The following TNRC6C variants were observed in gnomAD, a reference collection of about 807,000 sequenced individuals.
The protein encoded by TNRC6C is trinucleotide repeat containing adaptor 6C.
TNRC6C carries 20 observed loss-of-function variants against 153.7 expected under a neutral mutation model. The observed-to-expected ratio is 0.13, with a 90% CI of 0.09 to 0.19. The LOEUF (loss-of-function observed/expected upper bound fraction) is 0.19. Ranked by LOEUF, TNRC6C falls within the 10% of genes least tolerant of loss-of-function variation. TNRC6C has a pLI of 1.00. For synonymous variants in TNRC6C, 811 were observed against 841.4 expected (o/e 0.96, Z 0.63); for missense variants, 1,987 against 2,172.0 (o/e 0.91, Z 1.69).
At chr17:78,029,808 GACAC>G (rs57924935) in intron 1 of TNRC6C, among the ~76,000 whole-genome samples, 7,923 of 146,220 alleles carry the variant, frequency 0.054, 484 homozygotes, top group African/African-American at 0.16. Context: ...TAAAAACCTA[GACAC>G]ACACACACAC....
intron 10 of TNRC6C, 140 bp from the exon 13 acceptor site, chr17:78,082,907 T>G: frequency 1.0e-6 from 1 of 990,858 alleles, no homozygotes; most frequent in Non-Finnish European, 1.5e-6. Flanking sequence ...GAGCATTTCA[T>G]CTTTTATTCC....
intron 10 of TNRC6C, among the ~76,000 whole-genome samples, chr17:78,080,064 A>G (rs2073152141): frequency 6.6e-6 from 1 of 152,246 alleles, no homozygotes; most frequent in African/African-American, 2.4e-5. Context: ...GTTATGTTTA[A>G]TATTCAGAAT....
intron 3 of TNRC6C, among the ~76,000 whole-genome samples, chr17:78,059,010 C>G (rs753882334): frequency 3.3e-5 from 5 of 152,316 alleles, no homozygotes; most frequent in Non-Finnish European, 7.3e-5. Context: ...TAGGAAGCTT[C>G]TACCTAAAAA....
At chr17:77,958,668 C>T (rs368478893), upstream of TNRC6C, among the ~76,000 whole-genome samples, 1 of 151,488 alleles carries the variant, frequency 6.6e-6, no homozygotes. Flanking sequence ...GCGAGCGCCC[C>T]GTCTGGCTGA....
At chr17:78,072,413 G>A (rs181477777) in intron 6 of TNRC6C, among the ~76,000 whole-genome samples, 18 of 152,320 alleles carry the variant, frequency 1.2e-4, no homozygotes, top group Admixed American at 2.6e-4. Flanking sequence ...TCTGCACTCC[G>A]ACAGTGACTG....
chr17:78,102,292 C>T (rs889740860), intron 17 of TNRC6C, among the ~76,000 whole-genome samples, 182 bp from the exon 21 acceptor site: 2 of 152,180 alleles, frequency 1.3e-5, no homozygotes, highest in African/African-American at 4.8e-5. Flanking sequence ...AGGGGGTCTG[C>T]AGGGACTGTG....
intron 3 of TNRC6C, among the ~76,000 whole-genome samples, chr17:78,055,265 C>A (rs533689408): frequency 6.6e-6 from 1 of 152,220 alleles, no homozygotes; most frequent in South Asian, 2.1e-4. Flanking sequence ...CAAACGCACA[C>A]GTTAGCCTAG....
chr17:78,093,850 G>T, intron 16 of TNRC6C, 87 bp downstream of exon 18: 1 of 1,550,504 alleles, frequency 6.4e-7, no homozygotes, highest in Non-Finnish European at 8.7e-7. Flanking sequence ...GGGCTGTGAG[G>T]CAGGGATGAT....
intron 1 of TNRC6C, among the ~76,000 whole-genome samples, chr17:77,964,488 G>T (rs1400790329): frequency 6.6e-6 from 1 of 152,188 alleles, no homozygotes; most frequent in African/African-American, 2.4e-5. Flanking sequence ...CATTTTATGT[G>T]TGCCTTCTAG....
At chr17:78,007,699 G>A (rs2071546552) in intron 1 of TNRC6C, among the ~76,000 whole-genome samples, 1 of 152,234 alleles carries the variant, frequency 6.6e-6, no homozygotes, top group African/African-American at 2.4e-5. Flanking sequence ...AGCAATTTGA[G>A]AGAGTCCGAG....
intron 1 of TNRC6C, among the ~76,000 whole-genome samples, chr17:77,986,628 A>T (rs1036099962): frequency 3.3e-5 from 5 of 152,194 alleles, no homozygotes; most frequent in African/African-American, 1.2e-4. Context: ...TAAATACTTT[A>T]AAAAAATAAT....
intron 1 of TNRC6C, among the ~76,000 whole-genome samples, chr17:78,023,694 C>T (rs2071879530): frequency 6.6e-6 from 1 of 151,918 alleles, no homozygotes; most frequent in Non-Finnish European, 1.5e-5. Flanking sequence ...TCGTCCTAGC[C>T]ACTTGGGAGG....
chr17:78,043,561 C>T (rs891703243), intron 2 of TNRC6C, among the ~76,000 whole-genome samples: 1 of 152,030 alleles, frequency 6.6e-6, no homozygotes, highest in Non-Finnish European at 1.5e-5. Context: ...AGTATTTATC[C>T]ATTGTGTTAC....
chr17:78,012,224 C>T (rs2031830301), intron 1 of TNRC6C, among the ~76,000 whole-genome samples: 1 of 152,106 alleles, frequency 6.6e-6, no homozygotes, highest in Non-Finnish European at 1.5e-5. Flanking sequence ...ATTTTGCTAC[C>T]TAGAGATGGC....
At chr17:78,096,822 C>G (rs2073496020) in intron 16 of TNRC6C, among the ~76,000 whole-genome samples, 1 of 152,168 alleles carries the variant, frequency 6.6e-6, no homozygotes, top group Non-Finnish European at 1.5e-5. Context: ...GCTTTCTTCA[C>G]AGAATTGAAA....
At chr17:77,980,465 G>A (rs2071059465) in intron 1 of TNRC6C, among the ~76,000 whole-genome samples, 1 of 152,172 alleles carries the variant, frequency 6.6e-6, no homozygotes, top group South Asian at 2.1e-4. Context: ...TTCTGCAGTG[G>A]ACACCAGCTG....
chr17:78,092,989 T>C, exon 15 of TNRC6C: 2 of 1,613,884 alleles, frequency 1.2e-6, no homozygotes, highest in Non-Finnish European at 1.7e-6. Flanking sequence ...CATTGATGAC[T>C]CCTATGGCCG....
intron 1 of TNRC6C, among the ~76,000 whole-genome samples, chr17:77,970,277 A>G (rs7210711): frequency 0.083 from 12,561 of 152,016 alleles, 1,358 homozygotes; most frequent in African/African-American, 0.26. Flanking sequence ...ACAGGTTCTC[A>G]CTCTGTTGCC....
In TNRC6C at chr17:78,079,575, G is replaced by A. The variant is rs778778538; in HGVS notation, c.3357+34G>A. 8 of 1,603,730 alleles carry A rather than the reference G, an allele frequency of 5.0e-6. No individual in the cohort carries two copies. The highest frequency in any genetic ancestry group is 2.7e-5 in the African/African-American group (2 of 74,840). On this transcript the variant is annotated intron_variant, in intron 10 of 19. Coordinates refer to ENST00000301624, the Ensembl canonical transcript of TNRC6C. This position sits in a 1 kb window ranked among gnomAD's most constrained non-coding sequence, Gnocchi z 4.3. ...CACATCCAAGCAGGACTGAGCAACA[G>A]GATATAGATGCCAGTGTTTCGTGGG...
Sources: gnomAD v4.1 joint callset for allele counts (sites outside exome capture counted in the v4.1 genomes callset) on GRCh38, gnomAD v4.1.1 for gene constraint, Gnocchi (gnomAD v3.1) non-coding constraint, MANE v1.5 for transcripts, NCBI Gene and HGNC (gene_info 2026-07-23, HGNC 2026-07-21) for gene names.